PLEKHA7: variants seen among roughly 807,000 people sequenced by gnomAD.
PLEKHA7 encodes the protein pleckstrin homology domain containing A7.
Under a neutral mutation model 170.0 loss-of-function variants are expected in PLEKHA7, and 104 were observed. The ratio of observed to expected loss-of-function variants is 0.61; its 90% CI spans 0.52 to 0.72. The LOEUF (loss-of-function observed/expected upper bound fraction) is 0.72. PLEKHA7 is among the 30% of genes least tolerant of loss of function. PLEKHA7 has a pLI of 0.00. For synonymous variants in PLEKHA7, 648 were observed against 660.8 expected (o/e 0.98, Z 0.30); for missense variants, 1,615 against 1,671.7 (o/e 0.97, Z 0.59).
intron 8 of PLEKHA7, among the ~76,000 whole-genome samples, chr11:16,843,983 C>T (rs1208540602): frequency 6.6e-6 from 1 of 151,134 alleles, no homozygotes; most frequent in African/African-American, 2.5e-5. Flanking sequence ...GGAACCTGTG[C>T]ATGTCTTACT....
At chr11:16,814,748 T>A (rs1849621388) in intron 12 of PLEKHA7, among the ~76,000 whole-genome samples, 1 of 152,158 alleles carries the variant, frequency 6.6e-6, no homozygotes, top group Non-Finnish European at 1.5e-5. Flanking sequence ...CAGCAAGATA[T>A]GAGATGAGAA....
chr11:16,999,515 C>G (rs543796483), intron 3 of PLEKHA7, among the ~76,000 whole-genome samples: 4 of 152,224 alleles, frequency 2.6e-5, no homozygotes, highest in Non-Finnish European at 4.4e-5. Context: ...CCAACCCACA[C>G]TGAGAAAACC....
Position 16,794,966 on chromosome 11 carries a change from C to T in PLEKHA7, c.2462G>A (p.Gly821Asp). ...GAAGTTCTCTTTATTTGCACTCAGG[C>T]CTGCAGTGACATCTTCAATTCTCCA... The part of the protein sequence containing the change: ...DLWRIEDVTA[G>D]LSANKENFRI... The change falls in exon 18 of 27, where the codon GGC becomes GAC. Residue 821 changes from glycine (G) to aspartate (D), a missense_variant. Gly to Asp is a moderately conservative substitution (Grantham distance 94). Transcript: ENST00000531066. The T allele has an allele frequency of 6.2e-7, 1 of 1,614,038 alleles. No individual in the cohort carries two copies. Among genetic ancestry groups the T allele is most frequent in the Non-Finnish European group, 8.5e-7 (1 of 1,179,970 alleles).
Position 17,014,359 on chromosome 11 carries a change from A to G in PLEKHA7, c.43T>C (p.Trp15Arg), listed in dbSNP as rs1344411820. ...TVGRDTLPEHWSYGVCRDGRV... is the reference protein window; with the variant it reads ...TVGRDTLPEHRSYGVCRDGRV... ...CCATCCCGGCACACCCCGTAGGACC[A>G]ATGCTCAGGTAAAGTGTCCCGCCCG... Residue 15 changes from tryptophan to arginine, a missense_variant, in exon 1 of 27, where the codon TGG becomes CGG. Transcript: ENST00000531066. The G allele has an allele frequency of 8.3e-6, 12 of 1,438,170 alleles. No homozygotes were observed. The highest frequency in any genetic ancestry group is 1.1e-5 in the Non-Finnish European group (12 of 1,089,836). 89.1% of individuals were successfully genotyped at this position (1,438,170 alleles called of 1,614,324 possible).
intron 21 of PLEKHA7, 150 bp from the exon 22 acceptor site, chr11:16,790,028 G>A: frequency 1.4e-6 from 1 of 731,822 alleles, no homozygotes; most frequent in South Asian, 1.7e-5. Flanking sequence ...GCATGGAGGA[G>A]CAAGGTCCCC....
chr11:16,953,049 C>A (rs1861502851), intron 3 of PLEKHA7, among the ~76,000 whole-genome samples: 1 of 152,244 alleles, frequency 6.6e-6, no homozygotes, highest in Non-Finnish European at 1.5e-5. Flanking sequence ...ATTTGGGGAA[C>A]CCTTGCCCTA....
chr11:16,926,027 T>TG (rs1164914590), intron 3 of PLEKHA7, among the ~76,000 whole-genome samples: 1 of 152,240 alleles, frequency 6.6e-6, no homozygotes, highest in Non-Finnish European at 1.5e-5. Context: ...GCCCATCGGC[T>TG]GGGAAGACCA....
chr11:16,786,557 C>A, intron 23 of PLEKHA7, 170 bp from the exon 24 acceptor site: 1 of 985,412 alleles, frequency 1.0e-6, no homozygotes, highest in Non-Finnish European at 1.2e-6. Flanking sequence ...TGGGCTGTTC[C>A]AGACTGCTAA....
intron 3 of PLEKHA7, among the ~76,000 whole-genome samples, chr11:16,875,439 T>C (rs543613038): frequency 1.3e-5 from 1 of 76,074 alleles, no homozygotes; most frequent in African/African-American, 3.2e-5. Context: ...TCTTAAAAAT[T>C]TCTTTCCTTT....
At chr11:17,013,937 G>A (rs1865486904) in intron 3 of PLEKHA7, 52 bp downstream of exon 3, 2 of 1,428,002 alleles carry the variant, frequency 1.4e-6, no homozygotes, top group Admixed American at 2.7e-5. Flanking sequence ...GGAACGGGGA[G>A]GGACCCCCCC....
intron 3 of PLEKHA7, among the ~76,000 whole-genome samples, chr11:17,001,644 T>C (rs1380051165): frequency 1.3e-5 from 2 of 152,112 alleles, no homozygotes; most frequent in African/African-American, 4.8e-5. Context: ...TAGAGTGTGA[T>C]GTAGGAAGTC....
At chr11:16,805,340 C>A (rs1409753053) in intron 13 of PLEKHA7, among the ~76,000 whole-genome samples, 3 of 152,164 alleles carry the variant, frequency 2.0e-5, no homozygotes. Context: ...AAGCTGAATC[C>A]TCTAAATTAT....
chr11:16,834,934 T>C (rs1851394317), intron 9 of PLEKHA7, among the ~76,000 whole-genome samples: 1 of 152,082 alleles, frequency 6.6e-6, no homozygotes, highest in Non-Finnish European at 1.5e-5. Context: ...TTAATGTCTA[T>C]CATGGAATTC....
In PLEKHA7 at chr11:16,803,036, A is replaced by C. The variant is rs1427761306; in HGVS notation, c.2093T>G (p.Phe698Cys). The C allele has an allele frequency of 1.2e-6, 2 of 1,614,020 alleles. No individual in the cohort carries two copies. The highest frequency in any genetic ancestry group is 2.7e-5 in the African/African-American group (2 of 74,914). Residue 698 changes from phenylalanine (F) to cysteine (C), a missense_variant, in exon 15 of 27, where the codon TTC becomes TGC. Coordinates refer to ENST00000531066, the MANE Select transcript of PLEKHA7 (RefSeq NM_001329630.2). ...CTGGAGGACCCTGTCTTGTTCACAG[A>C]AGATGCTCAGTTTGACCTAAAAGCA... ...ESDTDVKLSI[F>C]CEQDRVLQDL...
In PLEKHA7 at chr11:16,871,172, G is replaced by C; in HGVS notation, c.232C>G (p.Gln78Glu). 6.2e-7 allele frequency: 1 copy of C among 1,605,976 alleles called. No individual in the cohort carries two copies. The highest frequency in any genetic ancestry group is 8.5e-7 in the Non-Finnish European group (1 of 1,172,846). ...GASYFIDHNQ[Q>E]TTAFRHPVTG... ...ACAGGATGCCTGAATGCTGTGGTCT[G>C]CTGGTTATGGCTAAAGAGAAAGAGA... Residue 78 changes from glutamine to glutamate, a missense_variant, in exon 4 of 27, where the codon CAG (glutamine) becomes GAG (glutamate). By Grantham distance (29) the Gln-to-Glu change is conservative (BLOSUM62 2). Coordinates refer to ENST00000531066, the MANE Select transcript of PLEKHA7 (RefSeq NM_001329630.2).
In PLEKHA7 at chr11:17,014,350, C is replaced by G; in HGVS notation, c.52G>C (p.Gly18Arg). Residue 18 changes from glycine (G) to arginine (R), a missense_variant, in exon 1 of 27, where the codon GGG becomes CGG. Physicochemically the swap from Gly to Arg is moderately radical, Grantham distance 125. Coordinates refer to ENST00000531066, the MANE Select transcript of PLEKHA7 (RefSeq NM_001329630.2). The part of the protein sequence containing the change: ...RDTLPEHWSY[G>R]VCRDGRVFFI... ...AAGACGCGGCCATCCCGGCACACCCCGTAGGACCAATGCTCAGGTAAAGTG... is the reference window on the plus strand; with the variant it reads ...AAGACGCGGCCATCCCGGCACACCCGGTAGGACCAATGCTCAGGTAAAGTG... 6.9e-7 allele frequency: 1 copy of G among 1,446,102 alleles called. No individual in the cohort carries two copies. Among genetic ancestry groups the G allele is most frequent in the South Asian group, 1.4e-5 (1 of 70,936 alleles). The allele number at this position is 1,446,102 out of a possible 1,614,324, so 89.6% of individuals were successfully genotyped here.
chr11:16,823,233 T>A (rs1489189013), intron 10 of PLEKHA7, among the ~76,000 whole-genome samples: 1 of 152,126 alleles, frequency 6.6e-6, no homozygotes, highest in East Asian at 1.9e-4. Flanking sequence ...TTCAAACTTC[T>A]GGACTCAAGC....
chr11:16,824,087 T>C (rs749149794), intron 10 of PLEKHA7, among the ~76,000 whole-genome samples: 2 of 152,148 alleles, frequency 1.3e-5, no homozygotes, highest in Non-Finnish European at 2.9e-5. Flanking sequence ...TAGAGTAGAA[T>C]AATGGTTACC....
In PLEKHA7 at chr11:16,817,223, C is replaced by G. The variant is rs374401153; in HGVS notation, c.1443G>C (p.Ser481=). ...TTCGGGGAGGTGGCGAGGAGCCCCC[C>G]GAGGGGTGTCGGGTGCTCTTGGGAA... ...QTLPKSTRHP[S]GGSSPPPRNL... The change falls in exon 11 of 27, where the codon TCG becomes TCC. Residue 481 remains serine, a synonymous_variant. Transcript: ENST00000531066. This position sits in a 1 kb window ranked among gnomAD's most constrained non-coding sequence, Gnocchi z 4.4. 3 of 1,613,834 alleles carry G rather than the reference C, an allele frequency of 1.9e-6. No individual in the cohort carries two copies. The African/African-American group carries it at 4.0e-5, about 22-fold the overall frequency.
Sources: allele counts gnomAD v4.1 joint callset (sites outside exome capture counted in the v4.1 genomes callset), GRCh38; gene constraint gnomAD v4.1.1; non-coding constraint Gnocchi (gnomAD v3.1); transcripts MANE v1.5; gene names NCBI Gene and HGNC (gene_info 2026-07-23, HGNC 2026-07-21).